Variants in CCNY observed in about 807,000 individuals in gnomAD.
The protein encoded by CCNY is cyclin-Y.
CCNY carries 19 observed loss-of-function variants against 42.8 expected under a neutral mutation model. The observed-to-expected ratio is 0.44, with a 90% CI of 0.31 to 0.65. The LOEUF is 0.65. CCNY is among the 30% of genes least tolerant of loss of function. CCNY has a pLI of 0.07. For synonymous variants in CCNY, 165 were observed against 162.7 expected (o/e 1.01, Z -0.11); for missense variants, 370 against 437.3 (o/e 0.85, Z 1.37).
intron 9 of CCNY, among the ~76,000 whole-genome samples, chr10:35,566,706 T>C: frequency 6.6e-6 from 1 of 152,152 alleles, no homozygotes; most frequent in Non-Finnish European, 1.5e-5. Flanking sequence ...AAAGGTTTTT[T>C]GTTTTTTTGG....
At chr10:35,522,138 C>G (rs1428531266) in intron 4 of CCNY, among the ~76,000 whole-genome samples, 1 of 152,120 alleles carries the variant, frequency 6.6e-6, no homozygotes, top group Non-Finnish European at 1.5e-5. Context: ...AGAAAAAAAC[C>G]CAAGGACAGA....
At chr10:35,554,434 GAA>G (rs1329709196) in intron 8 of CCNY, among the ~76,000 whole-genome samples, 1 of 152,126 alleles carries the variant, frequency 6.6e-6, no homozygotes, top group Admixed American at 6.5e-5. Context: ...TATATAGTAA[GAA>G]AAATAAAATT....
chr10:35,491,616 T>TTTTA (rs1331227922), intron 2 of CCNY, among the ~76,000 whole-genome samples: 2 of 152,062 alleles, frequency 1.3e-5, no homozygotes, highest in African/African-American at 2.4e-5. Flanking sequence ...TCACCTAATT[T>TTTTA]TTTATTTATT....
intron 3 of CCNY, among the ~76,000 whole-genome samples, chr10:35,259,658 A>G (rs1328982581): frequency 7.8e-6 from 1 of 128,546 alleles, no homozygotes; most frequent in Admixed American, 8.4e-5. Flanking sequence ...ACACACCATC[A>G]TGCCTGGCTA....
intron 1 of CCNY, among the ~76,000 whole-genome samples, chr10:35,397,305 T>G (rs1837547606): frequency 6.6e-6 from 1 of 152,226 alleles, no homozygotes; most frequent in South Asian, 2.1e-4. Context: ...TGTCATTATA[T>G]TTAGCACAGT....
intron 7 of CCNY, among the ~76,000 whole-genome samples, chr10:35,540,818 A>G (rs1251314668): frequency 1.3e-5 from 2 of 152,172 alleles, no homozygotes; most frequent in Non-Finnish European, 2.9e-5. Context: ...GTTGTTCCAC[A>G]GTATTCCTTT....
intron 1 of CCNY, among the ~76,000 whole-genome samples, chr10:35,343,589 C>T (rs1331486875): frequency 6.6e-6 from 1 of 151,784 alleles, no homozygotes; most frequent in Non-Finnish European, 1.5e-5. Context: ...GGGGTTTTGC[C>T]ATGTTGGCCA....
rs551600339 is a variant in CCNY, at chr10:35,472,312, A to G, written c.155-11092A>G. Among the ~76,000 whole-genome samples the G allele has an allele frequency of 9.2e-5, 14 of 152,362 alleles. No individual in the cohort carries two copies. In the South Asian group the frequency reaches 1.2e-3, roughly 14 times the overall value. ...GTGAATTCAAATCTGGATCTTTTAC[A>G]TTTTAAAATGTGTAATTCTTTTTCT... On this transcript the variant is annotated intron_variant, in intron 1 of 9. Coordinates refer to ENST00000374704, the MANE Select transcript of CCNY (RefSeq NM_145012.6).
At chr10:35,397,446 C>T (rs572102605) in intron 1 of CCNY, among the ~76,000 whole-genome samples, 1 of 152,274 alleles carries the variant, frequency 6.6e-6, no homozygotes, top group South Asian at 2.1e-4. Context: ...TTGTCGCAGA[C>T]CCTACCTTAG....
intron 3 of CCNY, among the ~76,000 whole-genome samples, chr10:35,259,377 T>C (rs1408263730): frequency 6.6e-6 from 1 of 152,086 alleles, no homozygotes; most frequent in East Asian, 1.9e-4. Context: ...GGCTGGTTTT[T>C]AAATTTTCTG....
At chr10:35,319,007 G>A (rs962949066) in intron 3 of CCNY, among the ~76,000 whole-genome samples, 2 of 152,066 alleles carry the variant, frequency 1.3e-5, no homozygotes, top group African/African-American at 4.8e-5. Flanking sequence ...GTGTCACCTG[G>A]GCCGGAGTGC....
At chr10:35,342,215 A>G (rs1465294180) in intron 1 of CCNY, among the ~76,000 whole-genome samples, 2 of 152,210 alleles carry the variant, frequency 1.3e-5, no homozygotes, top group East Asian at 3.8e-4. Context: ...ATGAGCTTGC[A>G]TATTGCTCTT....
intron 1 of CCNY, among the ~76,000 whole-genome samples, chr10:35,425,066 T>C (rs937870514): frequency 6.6e-6 from 1 of 152,198 alleles, no homozygotes; most frequent in African/African-American, 2.4e-5. Flanking sequence ...AAGATTCCAC[T>C]TGTGCTGTGA....
chr10:35,394,856 C>T (rs896494647), intron 1 of CCNY: 18 of 984,954 alleles, frequency 1.8e-5, no homozygotes, highest in South Asian at 1.4e-4. Context: ...TGTTTCATCA[C>T]GGGCCCTCTC....
At chr10:35,286,767 T>C (rs1049042086) in intron 3 of CCNY, among the ~76,000 whole-genome samples, 1 of 151,534 alleles carries the variant, frequency 6.6e-6, no homozygotes, top group Non-Finnish European at 1.5e-5. Context: ...TCAAGAGATC[T>C]TCTCATCTCA....
chr10:35,338,267 T>C (rs924207428), intron 1 of CCNY, among the ~76,000 whole-genome samples: 2 of 152,246 alleles, frequency 1.3e-5, no homozygotes, highest in East Asian at 1.9e-4. Context: ...ATTTAAACTT[T>C]GCTAAAGGAA....
upstream of CCNY, among the ~76,000 whole-genome samples, chr10:35,333,023 G>A (rs1835964325): frequency 6.6e-6 from 1 of 152,132 alleles, no homozygotes; most frequent in South Asian, 2.1e-4. Flanking sequence ...GGGTGGGTAT[G>A]AGTAGATCCA....
chr10:35,411,003 T>A (rs1186251409), intron 1 of CCNY, among the ~76,000 whole-genome samples: 1 of 152,248 alleles, frequency 6.6e-6, no homozygotes, highest in Non-Finnish European at 1.5e-5. Flanking sequence ...GGCTTTTAAC[T>A]GATTAAACAG....
rs114123518 is a variant in CCNY, at chr10:35,255,366, T to C, written c.-9+4740T>C. Among the ~76,000 whole-genome samples the C allele has an allele frequency of 3.7e-3, 555 of 150,892 alleles. 5 individuals carry two copies. The highest frequency in any genetic ancestry group is 0.013 in the African/African-American group (529 of 41,070). ...GACAGAGTCCCGCTCTGTCACCCAG[T>C]CTGGAGTGAAGTGGCACGATCTCGG... is the stretch of plus-strand genomic sequence containing the variant. On this transcript the variant is annotated intron_variant, in intron 3 of 11. Coordinates refer to the CCNY transcript ENST00000374706.
Sources: allele counts gnomAD v4.1 joint callset (sites outside exome capture counted in the v4.1 genomes callset), GRCh38; gene constraint gnomAD v4.1.1; transcripts MANE v1.5; gene names NCBI Gene and HGNC (gene_info 2026-07-23, HGNC 2026-07-21).